ARID5B: variants seen among roughly 807,000 people sequenced by gnomAD.
ARID5B encodes AT-rich interaction domain 5B, also known as AT-rich interactive domain-containing protein 5B.
ARID5B carries 13 observed loss-of-function variants against 97.2 expected under a neutral mutation model. The observed-to-expected ratio is 0.13, with a 90% confidence interval of 0.09 to 0.21. The LOEUF (loss-of-function observed/expected upper bound fraction) is 0.21, where lower values mean the gene tolerates loss of function less well. Ranked by LOEUF, ARID5B falls within the 10% of genes least tolerant of loss-of-function variation. ARID5B has a pLI of 1.00. For missense variants in ARID5B, 1,210 were observed against 1,465.3 expected (o/e 0.83, Z 2.84); for synonymous variants, 556 against 570.3 (o/e 0.97, Z 0.36).
intron 8 of ARID5B, among the ~76,000 whole-genome samples, chr10:62,075,860 T>C (rs1267985734): frequency 6.6e-6 from 1 of 152,238 alleles, no homozygotes; most frequent in Non-Finnish European, 1.5e-5. Context: ...ACTGGCCTGT[T>C]GCATTTTCTT....
chr10:62,074,540 TG>T (rs1247191257), intron 8 of ARID5B, among the ~76,000 whole-genome samples: 2 of 151,276 alleles, frequency 1.3e-5, no homozygotes, highest in Non-Finnish European at 3.0e-5. Context: ...AAGATAAGCA[TG>T]TGCTTTAAGT....
chr10:62,039,833 G>T (rs1839612209), intron 4 of ARID5B, among the ~76,000 whole-genome samples: 1 of 152,222 alleles, frequency 6.6e-6, no homozygotes, highest in Admixed American at 6.5e-5. Flanking sequence ...TGTCATAAAT[G>T]GGACCTGAAG....
At chr10:61,919,494 A>C (rs951583404) in intron 2 of ARID5B, among the ~76,000 whole-genome samples, 1 of 152,190 alleles carries the variant, frequency 6.6e-6, no homozygotes, top group African/African-American at 2.4e-5. Context: ...GGGGAATCTC[A>C]GAAGGATCTT....
intron 3 of ARID5B, among the ~76,000 whole-genome samples, chr10:61,989,855 G>A (rs1838898358): frequency 1.3e-5 from 2 of 152,152 alleles, no homozygotes; most frequent in Admixed American, 6.5e-5. Context: ...TATGGCTTGA[G>A]GTTCCTTGAT....
chr10:61,940,327 G>A lies in ARID5B; in HGVS notation c.421G>A (p.Glu141Lys). 6.2e-7 allele frequency: 1 copy of A among 1,614,150 alleles called. No individual in the cohort carries two copies. ...GGCCTTGGGAAGGAATGGACAGAAG[G>A]AAGCTCTGCTGAAGTACAGGCAGTC... The part of the protein sequence containing the change: ...TEALGRNGQK[E>K]ALLKYRQSTL... Residue 141 changes from glutamate (E) to lysine (K), a missense_variant, in exon 3 of 10, where the codon GAA becomes AAA. This residue lies in a region of ARID5B where 82 missense variants were observed against 79.3 expected (regional missense o/e 1.03). Transcript: ENST00000279873.
chr10:62,006,088 C>A (rs1839142448), intron 4 of ARID5B, among the ~76,000 whole-genome samples: 1 of 152,168 alleles, frequency 6.6e-6, no homozygotes, highest in Admixed American at 6.5e-5. Flanking sequence ...CTTCAGAGAT[C>A]TTACTTGGAG....
rs1840415655 is a variant in ARID5B at position 62,093,388 on chromosome 10, G to A, written c.*358G>A. On this transcript the variant is annotated 3_prime_UTR_variant, in exon 10 of 10. Coordinates refer to ENST00000279873, the MANE Select transcript of ARID5B (RefSeq NM_032199.3). ...AAACAATCTGGGCAAAAAAGAGGCAGGCATTTCAAAGGAAGGGGCAAGGAA... is the reference window on the plus strand; with the variant it reads ...AAACAATCTGGGCAAAAAAGAGGCAAGCATTTCAAAGGAAGGGGCAAGGAA... 2.6e-5 allele frequency: 7 copies of A among 271,170 alleles called. No homozygotes were observed. The East Asian group carries it at 3.9e-4, about 15-fold the overall frequency. The allele number at this position is 271,170 out of a possible 1,614,324, so 16.8% of individuals were successfully genotyped here. A position where few individuals can be genotyped will look rare whatever the true frequency, so the allele number is the denominator to read the frequency against.
intron 3 of ARID5B, among the ~76,000 whole-genome samples, chr10:61,979,246 C>G (rs1244576151): frequency 6.6e-6 from 1 of 152,186 alleles, no homozygotes. Flanking sequence ...TGAGTTTCCT[C>G]TGGGAGAGGA....
intron 4 of ARID5B, among the ~76,000 whole-genome samples, chr10:62,043,023 A>T (rs1839661579): frequency 6.6e-6 from 1 of 151,918 alleles, no homozygotes. Context: ...ATGCTATGGT[A>T]TATAGACCCC....
At chr10:61,981,594 C>A (rs925833968) in intron 3 of ARID5B, among the ~76,000 whole-genome samples, 5 of 151,832 alleles carry the variant, frequency 3.3e-5, no homozygotes, top group African/African-American at 1.2e-4. Context: ...AGGTTTTTAT[C>A]TTTTTTTTCC....
intron 5 of ARID5B, 179 bp downstream of exon 5, chr10:62,051,179 C>T: frequency 1.5e-6 from 1 of 688,110 alleles, no homozygotes; most frequent in Non-Finnish European, 2.6e-6. Context: ...CCCCTGGTTG[C>T]CGTGGGCTGG....
At chr10:61,992,844 G>C (rs1382164646) in intron 3 of ARID5B, among the ~76,000 whole-genome samples, 1 of 152,048 alleles carries the variant, frequency 6.6e-6, no homozygotes, top group Non-Finnish European at 1.5e-5. Context: ...CTTGCTTACT[G>C]TGTCGAGAAT....
At chr10:62,074,633 C>A (rs530150160) in intron 8 of ARID5B, among the ~76,000 whole-genome samples, 4 of 152,312 alleles carry the variant, frequency 2.6e-5, no homozygotes, top group Non-Finnish European at 5.9e-5. Flanking sequence ...AGGTGAGTTA[C>A]AGTTCTGTGC....
At chr10:62,016,562 C>T (rs917925209) in intron 4 of ARID5B, among the ~76,000 whole-genome samples, 7 of 152,154 alleles carry the variant, frequency 4.6e-5, no homozygotes, top group African/African-American at 1.7e-4. Context: ...AAATAAAACC[C>T]TGTAAATACG....
At chr10:62,058,288 C>G (rs1252513785) in intron 6 of ARID5B, among the ~76,000 whole-genome samples, 1 of 152,192 alleles carries the variant, frequency 6.6e-6, no homozygotes, top group Non-Finnish European at 1.5e-5. Context: ...CAGATTAAAT[C>G]AAGGCCGAGG....
intron 4 of ARID5B, among the ~76,000 whole-genome samples, chr10:62,040,825 T>C (rs553793263): frequency 5.9e-5 from 9 of 152,342 alleles, no homozygotes; most frequent in South Asian, 2.1e-4. Context: ...ACTTGACATA[T>C]AGTATTTCAG....
At chr10:62,042,933 A>G (rs1209387598) in intron 4 of ARID5B, among the ~76,000 whole-genome samples, 2 of 142,552 alleles carry the variant, frequency 1.4e-5, no homozygotes, top group Admixed American at 7.2e-5. Flanking sequence ...AAAAAAAAAA[A>G]GAATATATGG....
At chr10:61,941,462 G>T (rs1210520274) in intron 3 of ARID5B, among the ~76,000 whole-genome samples, 2 of 150,986 alleles carry the variant, frequency 1.3e-5, no homozygotes, top group Non-Finnish European at 2.9e-5. Flanking sequence ...TTTCATTTGC[G>T]CACAATGCTG....
intron 3 of ARID5B, among the ~76,000 whole-genome samples, chr10:61,983,769 A>C (rs1838808527): frequency 6.6e-6 from 1 of 151,868 alleles, no homozygotes; most frequent in African/African-American, 2.4e-5. Flanking sequence ...ATGAAAAAGG[A>C]AATATTTAAA....
Sources: allele counts gnomAD v4.1 joint callset (sites outside exome capture counted in the v4.1 genomes callset), GRCh38; gene constraint gnomAD v4.1.1; regional missense constraint gnomAD v4.1.1; transcripts MANE v1.5; gene names NCBI Gene and HGNC (gene_info 2026-07-23, HGNC 2026-07-21).